DENND4C: variants seen among roughly 807,000 people sequenced by gnomAD.
The protein encoded by DENND4C is DENN domain-containing protein 4C.
A neutral mutation model predicts 203.0 loss-of-function variants in DENND4C; 108 were observed. The observed-to-expected ratio is 0.53, with a 90% confidence interval of 0.46 to 0.62. The LOEUF (loss-of-function observed/expected upper bound fraction) is 0.62, where lower values mean the gene tolerates loss of function less well. DENND4C is among the 20% of genes least tolerant of loss of function. The pLI is 0.00. For synonymous variants in DENND4C, 871 were observed against 792.4 expected (o/e 1.10, Z -1.67); for missense variants, 2,481 against 2,301.2 (o/e 1.08, Z -1.60).
rs537658744 is a variant in DENND4C at position 19,352,672 on chromosome 9, C to G, written c.4781+7C>G. 1.9e-6 allele frequency: 3 copies of G among 1,564,048 alleles called. No homozygotes were observed. Among genetic ancestry groups the G allele is most frequent in the Admixed American group, 3.7e-5 (2 of 54,512 alleles). Reference sequence around the variant, plus strand: ...ATTTGAGAGGTTCTGCAAGGTTAGTCTTATAAAAGCTCTCTCAAGAAGTAA... The same window carrying G: ...ATTTGAGAGGTTCTGCAAGGTTAGTGTTATAAAAGCTCTCTCAAGAAGTAA... On this transcript the variant is annotated splice_region_variant and intron_variant, in intron 26 of 32. Transcript: ENST00000434457.
At chr9:19,350,527 T>C (rs1588969801) in intron 23 of DENND4C, among the ~76,000 whole-genome samples, 175 bp from the exon 24 acceptor site, 1 of 152,304 alleles carries the variant, frequency 6.6e-6, no homozygotes, top group East Asian at 1.9e-4. Context: ...ATGGCTTGAA[T>C]GTCTTAGAGT....
At chr9:19,269,329 T>G (rs992591177) in intron 1 of DENND4C, among the ~76,000 whole-genome samples, 2 of 152,102 alleles carry the variant, frequency 1.3e-5, no homozygotes, top group African/African-American at 4.8e-5. Context: ...CCCGGCTAAT[T>G]TGTATTTTTA....
chr9:19,301,884 C>T (rs1022267474), intron 9 of DENND4C, among the ~76,000 whole-genome samples: 4 of 151,976 alleles, frequency 2.6e-5, no homozygotes, highest in Non-Finnish European at 5.9e-5. Context: ...TTGCTATGAG[C>T]TGAGATTGCG....
Position 19,360,494 on chromosome 9 carries a change from G to A in DENND4C, c.5406+5G>A. On this transcript the variant is annotated splice_donor_5th_base_variant and intron_variant, in intron 29 of 32. Transcript: ENST00000434457. ...CATTGTAATGAAGGTGTACAGGTAG[G>A]GTGCCAACTTTTATACTTACATTAG... 6.2e-7 allele frequency: 1 copy of A among 1,613,826 alleles called. No individual in the cohort carries two copies. Among genetic ancestry groups the A allele is most frequent in the Non-Finnish European group, 8.5e-7 (1 of 1,179,928 alleles).
chr9:19,308,760 A>G (rs762938091), intron 10 of DENND4C, among the ~76,000 whole-genome samples: 5 of 152,102 alleles, frequency 3.3e-5, no homozygotes, highest in African/African-American at 7.2e-5. Flanking sequence ...TATCATGGTT[A>G]TTTCTTAAGT....
intron 8 of DENND4C, 68 bp downstream of exon 8, chr9:19,299,355 A>G: frequency 1.9e-6 from 2 of 1,077,628 alleles, no homozygotes; most frequent in Non-Finnish European, 2.6e-6. Context: ...TATTTTAGTG[A>G]TTAGTATATT....
intron 26 of DENND4C, among the ~76,000 whole-genome samples, chr9:19,354,906 T>C (rs1825040108): frequency 6.6e-6 from 1 of 150,852 alleles, no homozygotes; most frequent in Non-Finnish European, 1.5e-5. Flanking sequence ...TTTTTCTTTT[T>C]TGGCTGTTTG....
Position 19,335,108 on chromosome 9 carries a change from AAGT to A in DENND4C, c.2589+6_2589+8del, listed in dbSNP as rs1820144549. On this transcript the variant is annotated splice_donor_5th_base_variant and intron_variant, in intron 18 of 32. Transcript: ENST00000434457. ...TTACTTATGGTTATTATAATAAGGT[AAGT>A]AGGATCGACATTAGGCAAGATGTGG... The A allele has an allele frequency of 6.4e-7, 1 of 1,567,144 alleles. No individual in the cohort carries two copies. Among genetic ancestry groups the A allele is most frequent in the South Asian group, 1.2e-5 (1 of 81,938 alleles).
At chr9:19,352,452 A>G in intron 25 of DENND4C, 38 bp from the exon 26 acceptor site, 2 of 1,509,090 alleles carry the variant, frequency 1.3e-6, no homozygotes, top group South Asian at 2.8e-5. Context: ...ATTAATTTTT[A>G]TTAAACGTTC....
At position 19,373,347 on chromosome 9, in the gene DENND4C, A is replaced by T. The variant is rs1014310447; in HGVS notation, c.*1174A>T. ...TAAAATGAAATTAAATCAGCTGCCT[A>T]ATAATTTATGGAATTCATTGGAATG... is the stretch of plus-strand genomic sequence containing the variant. On this transcript the variant is annotated 3_prime_UTR_variant, in exon 33 of 33. Transcript: ENST00000434457. 6.6e-6 allele frequency: 1 copy of T among 152,656 alleles called. No homozygotes were observed. Among genetic ancestry groups the T allele is most frequent in the African/African-American group, 2.4e-5 (1 of 41,478 alleles). The allele number at this position is 152,656 out of a possible 1,614,324, so 9.5% of individuals were successfully genotyped here.
intron 26 of DENND4C, among the ~76,000 whole-genome samples, chr9:19,356,752 G>C (rs1825491315): frequency 6.8e-6 from 1 of 146,636 alleles, no homozygotes; most frequent in African/African-American, 2.5e-5. Context: ...GATAGGAGGG[G>C]AAGAGAAAAT....
At chr9:19,289,729 T>C (rs1786329416) in intron 4 of DENND4C, among the ~76,000 whole-genome samples, 4 of 149,914 alleles carry the variant, frequency 2.7e-5, no homozygotes, top group Admixed American at 1.4e-4. Flanking sequence ...CTTGGGAGGC[T>C]GAGGCACGAG....
At position 19,325,904 on chromosome 9, in the gene DENND4C, C is replaced by T. The variant is rs372158437; in HGVS notation, c.1954-35C>T. ...AAATGTCTATTAAATTCATAGTGGA[C>T]ATTTTCATTAAGAATCTGTTTTCTT... On this transcript the variant is annotated intron_variant, in intron 13 of 32. Transcript: ENST00000434457. 2.5e-5 allele frequency: 40 copies of T among 1,576,824 alleles called. 1 individual carries two copies. The African/African-American group carries it at 4.9e-4, about 19-fold the overall frequency.
At chr9:19,255,070 G>A (rs1050981142) in intron 1 of DENND4C, among the ~76,000 whole-genome samples, 3 of 152,026 alleles carry the variant, frequency 2.0e-5, no homozygotes, top group East Asian at 1.9e-4. Context: ...CTTGAACCCC[G>A]CTGGGGTGGA....
Position 19,281,937 on chromosome 9 carries a change from T to C in DENND4C, c.306-4832T>C, listed in dbSNP as rs1280645257. On this transcript the variant is annotated intron_variant, in intron 2 of 32. Transcript: ENST00000434457. ...TCTGGCATAAAAAATAAGTCACACC[T>C]GTATAGGGCACTTACCATGAATGGA... Among the ~76,000 whole-genome samples the C allele has an allele frequency of 2.0e-5, 3 of 152,168 alleles. No individual in the cohort carries two copies. In the East Asian group the frequency reaches 5.8e-4, roughly 29 times the overall value.
chr9:19,325,362 A>G (rs943434024), intron 13 of DENND4C, among the ~76,000 whole-genome samples: 1 of 151,984 alleles, frequency 6.6e-6, no homozygotes, highest in Non-Finnish European at 1.5e-5. Flanking sequence ...TATAATTCTT[A>G]TTTTTGCTAA....
chr9:19,265,287 G>T (rs1182678789), intron 1 of DENND4C, among the ~76,000 whole-genome samples: 1 of 152,068 alleles, frequency 6.6e-6, no homozygotes, highest in South Asian at 2.1e-4. Context: ...AAAATGCTGG[G>T]ATTACAGGTG....
chr9:19,360,818 C>A (rs1826313617), intron 29 of DENND4C, among the ~76,000 whole-genome samples: 1 of 152,148 alleles, frequency 6.6e-6, no homozygotes, highest in Non-Finnish European at 1.5e-5. Context: ...TAAGGGATAG[C>A]TCCTGGAGTT....
intron 1 of DENND4C, among the ~76,000 whole-genome samples, chr9:19,241,002 A>C (rs1321899838): frequency 6.6e-6 from 1 of 152,164 alleles, no homozygotes; most frequent in South Asian, 2.1e-4. Flanking sequence ...AGAACGGAAC[A>C]CAGAACAGGA....
Sources: gnomAD v4.1 joint callset for allele counts (sites outside exome capture counted in the v4.1 genomes callset) on GRCh38, gnomAD v4.1.1 for gene constraint, MANE v1.5 for transcripts, NCBI Gene and HGNC (gene_info 2026-07-23, HGNC 2026-07-21) for gene names.